The following CSMD1 variants were observed in gnomAD, a reference collection of about 807,000 sequenced individuals.
The protein encoded by CSMD1 is CUB and sushi domain-containing protein 1.
In CSMD1, 213 loss-of-function variants were observed where a neutral mutation model predicts 417.5. That is an observed-to-expected ratio of 0.51 (90% CI 0.46 to 0.57). The LOEUF is 0.57. Ranked by LOEUF, CSMD1 falls within the 20% of genes least tolerant of loss-of-function variation. The pLI is 0.00. For missense variants in CSMD1, 6,923 were observed against 4,529.7 expected (o/e 1.53, Z -15.17); for synonymous variants, 2,862 against 1,736.8 (o/e 1.65, Z -16.11).
chr8:3,302,873 C>T (rs1290297600), intron 25 of CSMD1, among the ~76,000 whole-genome samples: 1 of 152,088 alleles, frequency 6.6e-6, no homozygotes, highest in Non-Finnish European at 1.5e-5. Context: ...AAATATGAGT[C>T]AGAACTTTGC....
chr8:4,049,735 A>C (rs1392480770), intron 3 of CSMD1, among the ~76,000 whole-genome samples: 2 of 152,178 alleles, frequency 1.3e-5, no homozygotes, highest in East Asian at 3.8e-4. Flanking sequence ...TTTGTTTTAA[A>C]GTTTAAAAAT....
At chr8:4,585,002 C>T (rs1446870624) in intron 2 of CSMD1, among the ~76,000 whole-genome samples, 7 of 151,540 alleles carry the variant, frequency 4.6e-5, no homozygotes, top group African/African-American at 1.7e-4. Context: ...CAACCAGACT[C>T]TCAAATTATT....
chr8:3,429,004 G>A (rs145022316), intron 12 of CSMD1, among the ~76,000 whole-genome samples: 54 of 152,280 alleles, frequency 3.5e-4, no homozygotes, highest in African/African-American at 1.3e-3. Context: ...CATTGGAGCA[G>A]AGGATGGAAT....
rs111857812 is a variant in CSMD1 at position 4,923,985 on chromosome 8, T to G, written c.85+70347A>C. ...GCATCTGAATCATCCTTTGATAGTT[T>G]AAGAAAGTTTTATAATAGAATTCAT... On this transcript the variant is annotated intron_variant, in intron 1 of 69. Coordinates refer to ENST00000635120, the MANE Select transcript of CSMD1 (RefSeq NM_033225.6). 6.0e-3 allele frequency among the ~76,000 whole-genome samples: 911 copies of G among 152,308 alleles called. 12 individuals carry two copies. The highest frequency in any genetic ancestry group is 0.02 in the African/African-American group (850 of 41,562).
At chr8:3,062,102 A>G (rs1812624899) in intron 49 of CSMD1, among the ~76,000 whole-genome samples, 1 of 152,226 alleles carries the variant, frequency 6.6e-6, no homozygotes, top group Non-Finnish European at 1.5e-5. Context: ...TTCTGAAAAT[A>G]CAAAGGCCAC....
intron 3 of CSMD1, among the ~76,000 whole-genome samples, chr8:4,315,958 G>C (rs1382598138): frequency 6.6e-6 from 1 of 151,938 alleles, no homozygotes; most frequent in Non-Finnish European, 1.5e-5. Flanking sequence ...CCTAAATAAA[G>C]AACGGGAAAT....
chr8:4,539,473 A>C (rs1585222934), intron 2 of CSMD1, among the ~76,000 whole-genome samples: 1 of 152,306 alleles, frequency 6.6e-6, no homozygotes, highest in African/African-American at 2.4e-5. Context: ...GTGTGAAAAA[A>C]ATATAAGCAA....
At chr8:4,070,453 G>A (rs973135925) in intron 3 of CSMD1, among the ~76,000 whole-genome samples, 10 of 152,220 alleles carry the variant, frequency 6.6e-5, no homozygotes, top group African/African-American at 2.2e-4. Context: ...CGCCTCCCGG[G>A]TTCACACCAT....
intron 25 of CSMD1, among the ~76,000 whole-genome samples, chr8:3,302,189 G>A (rs1460674736): frequency 6.6e-6 from 1 of 152,192 alleles, no homozygotes; most frequent in African/African-American, 2.4e-5. Flanking sequence ...GGGAACACGT[G>A]ATGAGCTCTG....
chr8:3,916,788 T>G (rs1195150564), intron 5 of CSMD1, among the ~76,000 whole-genome samples: 2 of 152,054 alleles, frequency 1.3e-5, no homozygotes, highest in Non-Finnish European at 2.9e-5. Context: ...TGGCTCAATT[T>G]CAAAATAAGG....
At chr8:4,402,601 C>T (rs1322543857) in intron 3 of CSMD1, among the ~76,000 whole-genome samples, 2 of 152,136 alleles carry the variant, frequency 1.3e-5, no homozygotes, top group Non-Finnish European at 2.9e-5. Context: ...TTGAATATTA[C>T]ATTACTGCTC....
chr8:3,250,979 G>A (rs1401253747), intron 26 of CSMD1, among the ~76,000 whole-genome samples: 2 of 152,146 alleles, frequency 1.3e-5, no homozygotes, highest in Non-Finnish European at 2.9e-5. Context: ...TGTCAGATGA[G>A]TAGATTGTGA....
chr8:3,592,432 G>A (rs1800891521), intron 8 of CSMD1, among the ~76,000 whole-genome samples: 1 of 152,094 alleles, frequency 6.6e-6, no homozygotes, highest in Non-Finnish European at 1.5e-5. Flanking sequence ...GTCTCAAGCA[G>A]CAGAAAACAC....
At chr8:4,191,847 C>A (rs1222227615) in intron 3 of CSMD1, among the ~76,000 whole-genome samples, 1 of 151,074 alleles carries the variant, frequency 6.6e-6, no homozygotes, top group Admixed American at 6.6e-5. Flanking sequence ...GCAAAATCAA[C>A]AGTCAGTTTC....
chr8:3,882,900 G>C (rs761306734), intron 5 of CSMD1, among the ~76,000 whole-genome samples: 7 of 152,158 alleles, frequency 4.6e-5, no homozygotes, highest in Admixed American at 1.3e-4. Flanking sequence ...GAGCATGCTA[G>C]CATCTTGTGG....
chr8:4,129,651 C>G (rs1802976844), intron 3 of CSMD1, among the ~76,000 whole-genome samples: 1 of 152,114 alleles, frequency 6.6e-6, no homozygotes, highest in Non-Finnish European at 1.5e-5. Flanking sequence ...AGGATATTCT[C>G]TTTTGTCCCA....
chr8:4,281,681 G>A (rs1292578354), intron 3 of CSMD1, among the ~76,000 whole-genome samples: 1 of 152,106 alleles, frequency 6.6e-6, no homozygotes, highest in Non-Finnish European at 1.5e-5. Flanking sequence ...ACATCTGTAT[G>A]TGATAACATA....
intron 63 of CSMD1, among the ~76,000 whole-genome samples, chr8:2,956,480 G>T (rs975628407): frequency 1.5e-4 from 22 of 151,184 alleles, no homozygotes; most frequent in African/African-American, 5.4e-4. Context: ...TATTTTTTGA[G>T]TCTCGCTGTG....
Position 3,787,241 on chromosome 8 carries a change from A to G in CSMD1, c.819-33199T>C, listed in dbSNP as rs971246784. Among the ~76,000 whole-genome samples, 38 of 152,302 alleles carry G rather than the reference A, an allele frequency of 2.5e-4. 1 individual carries two copies. Among genetic ancestry groups the G allele is most frequent in the Admixed American group, 4.6e-4 (7 of 15,296 alleles). On this transcript the variant is annotated intron_variant, in intron 5 of 69. Transcript: ENST00000635120. Reference sequence around the variant, plus strand: ...AGGAAAATGAAAAACAACAACAAAAAAAGAATTTGAAAAAACTTGTGAGTT... The same window carrying G: ...AGGAAAATGAAAAACAACAACAAAAGAAGAATTTGAAAAAACTTGTGAGTT...
Sources: allele counts gnomAD v4.1 joint callset (sites outside exome capture counted in the v4.1 genomes callset), GRCh38; gene constraint gnomAD v4.1.1; transcripts MANE v1.5; gene names NCBI Gene and HGNC (gene_info 2026-07-23, HGNC 2026-07-21).